PPP2R2C: variants seen among roughly 807,000 people sequenced by gnomAD.
PPP2R2C encodes protein phosphatase 2, regulatory subunit B, gamma.
In PPP2R2C, 10 loss-of-function variants were observed where a neutral mutation model predicts 45.3. The observed-to-expected ratio is 0.22, with a 90% CI of 0.14 to 0.37. The LOEUF is 0.37. PPP2R2C is among the 10% of genes least tolerant of loss of function. The pLI is 1.00. For missense variants in PPP2R2C, 308 were observed against 619.7 expected (o/e 0.50, Z 5.34); for synonymous variants, 257 against 245.4 (o/e 1.05, Z -0.44).
At chr4:6,434,001 G>A (rs1006832660) in intron 1 of PPP2R2C, among the ~76,000 whole-genome samples, 1 of 152,182 alleles carries the variant, frequency 6.6e-6, no homozygotes, top group South Asian at 2.1e-4. Flanking sequence ...CACTCACTCA[G>A]CTCTCCTGTC....
rs186737118 is a variant in PPP2R2C, at chr4:6,403,825, T to C, written c.71-22731A>G. ...TTGCAGTGTGCAGAGATTGCGCCGC[T>C]GCACTCCAGCCTGGGTGACAGAGTG... is the stretch of plus-strand genomic sequence containing the variant. On this transcript the variant is annotated intron_variant, in intron 1 of 8. Transcript: ENST00000382599. 2.9e-3 allele frequency among the ~76,000 whole-genome samples: 434 copies of C among 149,388 alleles called. 9 individuals carry two copies. In the East Asian group the frequency reaches 0.04, roughly 14 times the overall value.
At chr4:6,561,024 C>T (rs1236349078) in intron 1 of PPP2R2C, among the ~76,000 whole-genome samples, 1 of 152,238 alleles carries the variant, frequency 6.6e-6, no homozygotes, top group Admixed American at 6.5e-5. Flanking sequence ...CCCAGTGCAT[C>T]CTGGGGTGGA....
At chr4:6,439,864 T>A (rs911124249) in intron 1 of PPP2R2C, among the ~76,000 whole-genome samples, 1 of 152,212 alleles carries the variant, frequency 6.6e-6, no homozygotes, top group African/African-American at 2.4e-5. Flanking sequence ...GCCCACCCCA[T>A]GCTATTTGCT....
intron 1 of PPP2R2C, among the ~76,000 whole-genome samples, chr4:6,465,339 A>ATC (rs1282964999): frequency 6.6e-6 from 1 of 152,122 alleles, no homozygotes; most frequent in Non-Finnish European, 1.5e-5. Context: ...TGGGTGAGAG[A>ATC]GGAGCACGGA....
intron 1 of PPP2R2C, among the ~76,000 whole-genome samples, chr4:6,420,612 C>CCA (rs1324919704): frequency 6.6e-6 from 1 of 152,138 alleles, no homozygotes; most frequent in African/African-American, 2.4e-5. Flanking sequence ...GGAAAGGGAA[C>CCA]CACTGTTGGT....
intron 1 of PPP2R2C, among the ~76,000 whole-genome samples, chr4:6,540,791 G>T (rs1052708528): frequency 3.9e-5 from 6 of 152,332 alleles, no homozygotes; most frequent in South Asian, 4.1e-4. Context: ...GGGGATACAT[G>T]GGAAGAAAGC....
chr4:6,522,684 G>A (rs927337277), intron 2 of PPP2R2C, among the ~76,000 whole-genome samples: 9 of 152,268 alleles, frequency 5.9e-5, no homozygotes, highest in Admixed American at 5.2e-4. Context: ...GGCACGGAGG[G>A]ACCAGCTGCA....
At chr4:6,453,571 G>C (rs1384730975) in intron 1 of PPP2R2C, among the ~76,000 whole-genome samples, 1 of 152,000 alleles carries the variant, frequency 6.6e-6, no homozygotes, top group Non-Finnish European at 1.5e-5. Context: ...ACCGAGAATG[G>C]TCCCCCCGCA....
At chr4:6,361,949 C>T (rs1035243330) in intron 5 of PPP2R2C, among the ~76,000 whole-genome samples, 2 of 152,114 alleles carry the variant, frequency 1.3e-5, no homozygotes, top group African/African-American at 4.8e-5. Context: ...GGTGCAGAGT[C>T]AGGGAAGGGC....
chr4:6,547,082 T>C (rs879286498), intron 1 of PPP2R2C, among the ~76,000 whole-genome samples: 3 of 152,212 alleles, frequency 2.0e-5, no homozygotes, highest in Admixed American at 2.0e-4. Context: ...CCTCGGCCTC[T>C]GAAAACATTT....
chr4:6,381,918 C>T (rs1032959404), intron 1 of PPP2R2C: 14 of 1,576,430 alleles, frequency 8.9e-6, no homozygotes, highest in African/African-American at 6.8e-5. Context: ...TCAGGTTCTA[C>T]GAGTCACAGA....
intron 4 of PPP2R2C, among the ~76,000 whole-genome samples, chr4:6,373,859 G>C (rs553222700): frequency 1.0e-3 from 158 of 152,174 alleles, no homozygotes; most frequent in African/African-American, 3.8e-3. Flanking sequence ...GAGTGTGCAT[G>C]TGAGTGTGCA....
intron 2 of PPP2R2C, among the ~76,000 whole-genome samples, chr4:6,519,196 G>A (rs1439687449): frequency 2.0e-5 from 3 of 152,098 alleles, no homozygotes; most frequent in Admixed American, 1.3e-4. Context: ...AGCTGTGTTG[G>A]GCCCCCAGCT....
intron 2 of PPP2R2C, among the ~76,000 whole-genome samples, chr4:6,531,928 T>G (rs1323124533): frequency 2.0e-5 from 3 of 152,180 alleles, no homozygotes; most frequent in Non-Finnish European, 2.9e-5. Context: ...TGTATTCACA[T>G]CGGTCTTCCC....
intron 8 of PPP2R2C, among the ~76,000 whole-genome samples, chr4:6,326,002 T>G (rs1731909009): frequency 6.6e-6 from 1 of 152,346 alleles, no homozygotes. Flanking sequence ...ATGGCGCCAC[T>G]GCACTCCCTA....
chr4:6,516,699 G>T (rs1231224114), intron 2 of PPP2R2C, among the ~76,000 whole-genome samples: 1 of 152,204 alleles, frequency 6.6e-6, no homozygotes. Flanking sequence ...TTGCTAGCCT[G>T]CACTTTACTT....
intron 8 of PPP2R2C, among the ~76,000 whole-genome samples, chr4:6,323,956 A>C (rs564216489): frequency 6.6e-6 from 1 of 152,182 alleles, no homozygotes; most frequent in African/African-American, 2.4e-5. Flanking sequence ...AACAACAAAC[A>C]AATGAAAAAG....
At chr4:6,536,613 G>T (rs1413156472) in intron 1 of PPP2R2C, among the ~76,000 whole-genome samples, 1 of 152,244 alleles carries the variant, frequency 6.6e-6, no homozygotes, top group African/African-American at 2.4e-5. Context: ...TATCAGTGGG[G>T]AAAGCCCCTC....
At chr4:6,505,429 A>G (rs529410467) in intron 2 of PPP2R2C, among the ~76,000 whole-genome samples, 2 of 152,242 alleles carry the variant, frequency 1.3e-5, no homozygotes, top group South Asian at 4.1e-4. Context: ...AAATCATTAC[A>G]TTGTATTGTG....
Sources: allele counts gnomAD v4.1 joint callset (sites outside exome capture counted in the v4.1 genomes callset), GRCh38; gene constraint gnomAD v4.1.1; transcripts MANE v1.5; gene names NCBI Gene and HGNC (gene_info 2026-07-23, HGNC 2026-07-21).